The following UTRN variants were observed in gnomAD, a reference collection of about 807,000 sequenced individuals.
UTRN encodes the protein utrophin.
UTRN carries 283 observed loss-of-function variants against 463.9 expected under a neutral mutation model. The observed-to-expected ratio is 0.61, with a 90% CI of 0.55 to 0.67. The LOEUF is 0.67. Among genes scored for constraint, UTRN ranks in the 30% least tolerant of loss-of-function variants. The pLI is 0.00. For synonymous variants in UTRN, 1,442 were observed against 1,431.5 expected, an observed-to-expected ratio of 1.01 and a Z score of -0.17; for missense variants, 3,922 against 4,084.3, an observed-to-expected ratio of 0.96 and a Z score of 1.08.
At position 144,490,461 on chromosome 6, in the gene UTRN, T is replaced by G. The variant is rs10428799; in HGVS notation, c.4263+262T>G. Among the ~76,000 whole-genome samples the G allele has an allele frequency of 3.8e-3, 582 of 152,314 alleles. 3 individuals carry two copies. The highest frequency in any genetic ancestry group is 0.014 in the African/African-American group (566 of 41,570). On this transcript the variant is annotated intron_variant, in intron 31 of 74. Coordinates refer to ENST00000367545, the MANE Select transcript of UTRN (RefSeq NM_007124.3). ...ATTTAGAAGTTAGCTTTATATACACTTTTTCTTTAATGCAGAGCCTCTGTC... is the reference window on the plus strand; with the variant it reads ...ATTTAGAAGTTAGCTTTATATACACGTTTTCTTTAATGCAGAGCCTCTGTC...
At chr6:144,766,690 C>T (rs776574074) in intron 58 of UTRN, among the ~76,000 whole-genome samples, 2 of 151,528 alleles carry the variant, frequency 1.3e-5, no homozygotes, top group Non-Finnish European at 2.9e-5. Context: ...GAATGGGACA[C>T]GAGGAAGTAG....
At chr6:144,445,462 A>C (rs1024894124) in intron 14 of UTRN, among the ~76,000 whole-genome samples, 7 of 151,572 alleles carry the variant, frequency 4.6e-5, no homozygotes, top group Admixed American at 1.3e-4. Flanking sequence ...TATTCTCTTC[A>C]GGGGAAAAAA....
chr6:144,787,182 G>C (rs1300735583), intron 61 of UTRN, among the ~76,000 whole-genome samples: 1 of 152,110 alleles, frequency 6.6e-6, no homozygotes. Context: ...CAAGTCTATT[G>C]TCTGACTGGG....
At chr6:144,367,679 T>G (rs879053999) in intron 2 of UTRN, among the ~76,000 whole-genome samples, 1 of 152,328 alleles carries the variant, frequency 6.6e-6, no homozygotes, top group South Asian at 2.1e-4. Context: ...CTTTTATTTT[T>G]CAAGGAGAAA....
At chr6:144,347,579 G>A (rs1777691530) in intron 2 of UTRN, among the ~76,000 whole-genome samples, 1 of 152,178 alleles carries the variant, frequency 6.6e-6, no homozygotes, top group South Asian at 2.1e-4. Context: ...TGCTATGTTA[G>A]GCTGAACAGT....
chr6:144,539,582 T>A, intron 45 of UTRN, 139 bp downstream of exon 45: 1 of 857,620 alleles, frequency 1.2e-6, no homozygotes, highest in South Asian at 2.1e-5. Context: ...TTTATATTTT[T>A]TATCTGTCAT....
At chr6:144,751,353 T>C (rs1791372265) in intron 55 of UTRN, among the ~76,000 whole-genome samples, 1 of 152,204 alleles carries the variant, frequency 6.6e-6, no homozygotes, top group Non-Finnish European at 1.5e-5. Flanking sequence ...ATTTTTCTCT[T>C]CACACATTTA....
chr6:144,732,245 T>TATATATATATACACAC (rs1788678150), intron 54 of UTRN, among the ~76,000 whole-genome samples: 10 of 108,420 alleles, frequency 9.2e-5, no homozygotes, highest in African/African-American at 4.9e-4. Flanking sequence ...TATACATATA[T>TATATATATATACACAC]ATATATATAT....
intron 65 of UTRN, among the ~76,000 whole-genome samples, chr6:144,820,199 C>A (rs73596526): frequency 1.3e-5 from 2 of 152,084 alleles, no homozygotes; most frequent in East Asian, 1.9e-4. Flanking sequence ...GTCCATATCA[C>A]CCTAAATGAT....
At chr6:144,680,722 G>T (rs1376560377) in intron 52 of UTRN, among the ~76,000 whole-genome samples, 1 of 152,144 alleles carries the variant, frequency 6.6e-6, no homozygotes, top group Non-Finnish European at 1.5e-5. Flanking sequence ...CATAAAAGAG[G>T]TCATTCCTTA....
intron 50 of UTRN, among the ~76,000 whole-genome samples, chr6:144,564,693 T>A (rs1029224788): frequency 6.6e-6 from 1 of 152,070 alleles, no homozygotes; most frequent in Non-Finnish European, 1.5e-5. Context: ...GAGCTCCTTA[T>A]AAAACTATCA....
intron 33 of UTRN, among the ~76,000 whole-genome samples, chr6:144,497,682 C>CAA (rs111981536): frequency 1.3e-4 from 16 of 127,798 alleles, no homozygotes; most frequent in African/African-American, 2.8e-4. Flanking sequence ...AACTCTGTCT[C>CAA]AAAAAAAAAA....
At chr6:144,447,357 A>G (rs1165112118) in intron 15 of UTRN, 39 bp downstream of exon 15, 1 of 1,576,932 alleles carries the variant, frequency 6.3e-7, no homozygotes, top group South Asian at 1.1e-5. Context: ...TTGTAAGCCT[A>G]TGATATCTTA....
intron 69 of UTRN, among the ~76,000 whole-genome samples, chr6:144,829,630 C>T (rs1283130604): frequency 6.6e-6 from 1 of 150,760 alleles, no homozygotes; most frequent in Non-Finnish European, 1.5e-5. Context: ...ACTAACAAAG[C>T]TCTATTGTGG....
chr6:144,818,261 G>A (rs1248149740), intron 65 of UTRN, among the ~76,000 whole-genome samples: 1 of 152,216 alleles, frequency 6.6e-6, no homozygotes, highest in African/African-American at 2.4e-5. Flanking sequence ...CTTGCCATGG[G>A]TTGTGGGAGG....
At chr6:144,552,390 C>G (rs1028850867) in intron 48 of UTRN, among the ~76,000 whole-genome samples, 3 of 152,194 alleles carry the variant, frequency 2.0e-5, no homozygotes, top group Non-Finnish European at 4.4e-5. Flanking sequence ...GTTTCCCTCA[C>G]ATCACAGGGG....
intron 56 of UTRN, 30 bp from the exon 57 acceptor site, chr6:144,754,690 T>C (rs1443058159): frequency 1.2e-6 from 2 of 1,600,980 alleles, no homozygotes; most frequent in South Asian, 2.3e-5. Context: ...ATCAAATTAT[T>C]TCCTCTGACT....
intron 50 of UTRN, among the ~76,000 whole-genome samples, chr6:144,572,586 C>T (rs1328952285): frequency 2.0e-5 from 3 of 151,884 alleles, no homozygotes; most frequent in African/African-American, 7.3e-5. Context: ...TGTGATGTTT[C>T]CCTCCCTGTG....
intron 72 of UTRN, 107 bp from the exon 73 acceptor site, chr6:144,840,633 T>C (rs1781485771): frequency 8.2e-7 from 1 of 1,219,996 alleles, no homozygotes. Context: ...TCTTTTCACA[T>C]TGATATTTAG....
Sources: gnomAD v4.1 joint callset for allele counts (sites outside exome capture counted in the v4.1 genomes callset) on GRCh38, gnomAD v4.1.1 for gene constraint, MANE v1.5 for transcripts, NCBI Gene and HGNC (gene_info 2026-07-23, HGNC 2026-07-21) for gene names.